Variants in YIPF4 observed in about 807,000 individuals in gnomAD.
The protein encoded by YIPF4 is protein YIPF4.
Under a neutral mutation model 29.4 loss-of-function variants are expected in YIPF4, and 18 were observed. That is an observed-to-expected ratio of 0.61 (90% CI 0.42 to 0.91). YIPF4 has a LOEUF of 0.91. Ranked by LOEUF, YIPF4 falls within the 40% of genes least tolerant of loss-of-function variation. The pLI is 0.00. For synonymous variants in YIPF4, 115 were observed against 104.7 expected (o/e 1.10, Z -0.60); for missense variants, 279 against 282.7 (o/e 0.99, Z 0.09).
chr2:32,295,344 T>G (rs2031136842), intron 3 of YIPF4, among the ~76,000 whole-genome samples: 1 of 152,206 alleles, frequency 6.6e-6, no homozygotes, highest in South Asian at 2.1e-4. Flanking sequence ...TCTAATAAAC[T>G]GCTACAAGCT....
At position 32,281,090 on chromosome 2, in the gene YIPF4, G is replaced by T. The variant is rs1003795923; in HGVS notation, c.79+2856G>T. ...AAACCTGAAATAAGTAAAAATCCATGAAGTTTATTCAAACTTCTCTGTATT... is the reference window on the plus strand; with the variant it reads ...AAACCTGAAATAAGTAAAAATCCATTAAGTTTATTCAAACTTCTCTGTATT... On this transcript the variant is annotated intron_variant, in intron 1 of 5. Coordinates refer to ENST00000238831, the MANE Select transcript of YIPF4 (RefSeq NM_032312.4). Among the ~76,000 whole-genome samples, 113 of 152,190 alleles carry T rather than the reference G, an allele frequency of 7.4e-4. 1 individual carries two copies. Among genetic ancestry groups the T allele is most frequent in the African/African-American group, 2.6e-3 (109 of 41,512 alleles).
intron 5 of YIPF4, among the ~76,000 whole-genome samples, chr2:32,304,863 T>C (rs2031523277): frequency 6.6e-6 from 1 of 152,198 alleles, no homozygotes; most frequent in Non-Finnish European, 1.5e-5. Flanking sequence ...ATGTATGTGA[T>C]CCAAAAACTA....
In YIPF4 at chr2:32,304,673, G is replaced by A. The variant is rs547208122; in HGVS notation, c.598-816G>A. Among the ~76,000 whole-genome samples, 9 of 152,226 alleles carry A rather than the reference G, an allele frequency of 5.9e-5. No homozygotes were observed. The South Asian group carries it at 6.2e-4, about 11-fold the overall frequency. On this transcript the variant is annotated intron_variant, in intron 5 of 5. Coordinates refer to ENST00000238831, the MANE Select transcript of YIPF4 (RefSeq NM_032312.4). ...ATAGCTCCCCACAGCCAAGAAGTAC[G>A]CAGCCTAAAACGTCAATATTGCAAG...
chr2:32,292,601 G>A (rs1192223529), intron 3 of YIPF4, among the ~76,000 whole-genome samples: 1 of 152,012 alleles, frequency 6.6e-6, no homozygotes, highest in Non-Finnish European at 1.5e-5. Context: ...GGTGGCTCAC[G>A]CCTGTAATCC....
At position 32,312,182 on chromosome 2, in the gene YIPF4, T is replaced by A. The variant is rs1003939316; in HGVS notation, c.*6556T>A. On this transcript the variant is annotated 3_prime_UTR_variant, in exon 6 of 6. Coordinates refer to ENST00000238831, the MANE Select transcript of YIPF4 (RefSeq NM_032312.4). Reference sequence around the variant, plus strand: ...TTACCAAATGGTACTTAATAAAATCTTTTACCTTATAAAAATCTATTTTCG... The same window carrying A: ...TTACCAAATGGTACTTAATAAAATCATTTACCTTATAAAAATCTATTTTCG... The A allele has an allele frequency of 1.3e-5, 2 of 152,102 alleles. No homozygotes were observed. Among genetic ancestry groups the A allele is most frequent in the African/African-American group, 4.8e-5 (2 of 41,432 alleles). The allele number at this position is 152,102 out of a possible 1,614,324, so 9.4% of individuals were successfully genotyped here. A position where few individuals can be genotyped will look rare whatever the true frequency, so the allele number is the denominator to read the frequency against.
In YIPF4 at chr2:32,305,619, G is replaced by A; in HGVS notation, c.728G>A (p.Gly243Asp). The change falls in exon 6 of 6, where the codon GGT (glycine) becomes GAT (aspartate). Residue 243 changes from glycine (G) to aspartate (D), a missense_variant. Transcript: ENST00000238831. ...ATTTATTTTTTGTCGTTATATACTG[G>A]TGTGTGATCCAAGTTATACATGAAT... ...LYIYFLSLYT[G>D]V The A allele has an allele frequency of 6.3e-7, 1 of 1,590,040 alleles. No homozygotes were observed. The highest frequency in any genetic ancestry group is 1.2e-5 in the South Asian group (1 of 86,114).
At chr2:32,292,067 A>C in intron 2 of YIPF4, 110 bp from the exon 3 acceptor site, 1 of 625,234 alleles carries the variant, frequency 1.6e-6, no homozygotes, top group Non-Finnish European at 2.4e-6. Context: ...TGTTTTGTTG[A>C]CCTATGGAGA....
At chr2:32,291,096 G>C (rs2030892117) in intron 2 of YIPF4, among the ~76,000 whole-genome samples, 1 of 152,210 alleles carries the variant, frequency 6.6e-6, no homozygotes, top group South Asian at 2.1e-4. Flanking sequence ...AAATTTTGTG[G>C]TTATCTGGAG....
chr2:32,296,747 C>T (rs557538278), intron 3 of YIPF4, among the ~76,000 whole-genome samples: 1 of 152,258 alleles, frequency 6.6e-6, no homozygotes, highest in African/African-American at 2.4e-5. Context: ...CTATTTTTCT[C>T]TTTGTAATTA....
intron 4 of YIPF4, among the ~76,000 whole-genome samples, chr2:32,298,765 G>T (rs1458426841): frequency 2.0e-5 from 3 of 151,976 alleles, no homozygotes; most frequent in African/African-American, 4.8e-5. Context: ...CACCATGTTG[G>T]CCAGGCTGGT....
chr2:32,283,737 G>A (rs1278073791), intron 1 of YIPF4, among the ~76,000 whole-genome samples: 3 of 143,734 alleles, frequency 2.1e-5, no homozygotes, highest in Admixed American at 7.0e-5. Context: ...TTTTTTTTGA[G>A]ACAAGAGTCT....
intron 5 of YIPF4, among the ~76,000 whole-genome samples, 183 bp downstream of exon 5, chr2:32,301,678 C>T (rs903193202): frequency 3.3e-5 from 5 of 152,028 alleles, no homozygotes; most frequent in Admixed American, 2.6e-4. Flanking sequence ...TTTTAATCAC[C>T]AGATATTACT....
intron 1 of YIPF4, among the ~76,000 whole-genome samples, chr2:32,285,038 A>C (rs76190363): frequency 1.3e-5 from 2 of 152,190 alleles, no homozygotes; most frequent in South Asian, 4.1e-4. Context: ...GAAGGAGACA[A>C]GAATGACTGG....
intron 5 of YIPF4, among the ~76,000 whole-genome samples, chr2:32,304,410 G>T: frequency 6.6e-6 from 1 of 151,474 alleles, no homozygotes; most frequent in Admixed American, 6.6e-5. Context: ...TTATTTCATA[G>T]GGTTACTTTT....
In YIPF4 at chr2:32,298,227, C is replaced by G; in HGVS notation, c.406-7C>G. On this transcript the variant is annotated splice_region_variant and splice_polypyrimidine_tract_variant and intron_variant, in intron 3 of 5. Transcript: ENST00000238831. ...AAAATATTAATTGCATGATTTTTCC[C>G]CCTAAGGTGGTCTCATGGATTATAA... is the stretch of plus-strand genomic sequence containing the variant. 1 of 1,589,896 alleles carries G rather than the reference C, an allele frequency of 6.3e-7. No homozygotes were observed. Among genetic ancestry groups the G allele is most frequent in the Non-Finnish European group, 8.6e-7 (1 of 1,163,730 alleles).
At chr2:32,304,105 G>T (rs569189027) in intron 5 of YIPF4, among the ~76,000 whole-genome samples, 39 of 152,132 alleles carry the variant, frequency 2.6e-4, no homozygotes, top group African/African-American at 7.5e-4. Context: ...TTAAACTTCA[G>T]ATTATTCTTT....
Position 32,306,662 on chromosome 2 carries a change from G to T in YIPF4, c.*1036G>T. The T allele has an allele frequency of 1.1e-6, 1 of 914,368 alleles. No individual in the cohort carries two copies. The highest frequency in any genetic ancestry group is 5.0e-5 in the South Asian group (1 of 19,866). 56.6% of individuals were successfully genotyped at this position (914,368 alleles called of 1,614,324 possible). ...AACAAATGTACAGTTTTTGCTAAGG[G>T]AAATATTAAGAAATTTTTATCAGTG... On this transcript the variant is annotated 3_prime_UTR_variant, in exon 6 of 6. Coordinates refer to ENST00000238831, the MANE Select transcript of YIPF4 (RefSeq NM_032312.4).
At position 32,283,962 on chromosome 2, in the gene YIPF4, C is replaced by T. The variant is rs192960174; in HGVS notation, c.79+5728C>T. Among the ~76,000 whole-genome samples, 144 of 152,052 alleles carry T rather than the reference C, an allele frequency of 9.5e-4. 4 individuals carry two copies. The highest frequency in any genetic ancestry group is 7.4e-5 in the Non-Finnish European group (5 of 67,994). Reference sequence around the variant, plus strand: ...CTCAAACTCCTGACCTCAAGTGATCCGCCCACCTCTGCCTCCCAAAGTGCT... The same window carrying T: ...CTCAAACTCCTGACCTCAAGTGATCTGCCCACCTCTGCCTCCCAAAGTGCT... On this transcript the variant is annotated intron_variant, in intron 1 of 5. Coordinates refer to ENST00000238831, the MANE Select transcript of YIPF4 (RefSeq NM_032312.4).
intron 1 of YIPF4, among the ~76,000 whole-genome samples, chr2:32,282,024 G>A (rs556243893): frequency 1.3e-5 from 2 of 151,328 alleles, no homozygotes; most frequent in Admixed American, 6.6e-5. Context: ...GATTGTGCCA[G>A]TGTGCTCCAG....
Sources: gnomAD v4.1 joint callset for allele counts (sites outside exome capture counted in the v4.1 genomes callset) on GRCh38, gnomAD v4.1.1 for gene constraint, MANE v1.5 for transcripts, NCBI Gene and HGNC (gene_info 2026-07-23, HGNC 2026-07-21) for gene names.